TRIM14: variants seen among roughly 807,000 people sequenced by gnomAD.
TRIM14 encodes the protein tripartite motif-containing protein 14.
Under a neutral mutation model 44.5 loss-of-function variants are expected in TRIM14, and 28 were observed. The observed-to-expected ratio is 0.63, with a 90% CI of 0.47 to 0.86. TRIM14 has a LOEUF of 0.86. TRIM14 is among the 40% of genes least tolerant of loss of function. The pLI is 0.00. For missense variants in TRIM14, 607 were observed against 611.1 expected (o/e 0.99, Z 0.07); for synonymous variants, 299 against 269.2 (o/e 1.11, Z -1.08).
At chr9:98,088,910 G>GT (rs77760749) in intron 5 of TRIM14, among the ~76,000 whole-genome samples, 2,375 of 150,414 alleles carry the variant, frequency 0.016, 18 homozygotes, top group African/African-American at 0.023. Flanking sequence ...TACACATGAA[G>GT]TTTTTTTTGT....
downstream of TRIM14, chr9:98,083,160 A>G: frequency 9.4e-7 from 1 of 1,060,416 alleles, no homozygotes; most frequent in Non-Finnish European, 1.4e-6. Flanking sequence ...CCTGGCTGTC[A>G]TCCACCTCCA....
intron 1 of TRIM14, among the ~76,000 whole-genome samples, chr9:98,112,840 G>A (rs1222985040): frequency 2.0e-5 from 3 of 147,354 alleles, no homozygotes; most frequent in South Asian, 2.1e-4. Flanking sequence ...ATGGCCAGGC[G>A]CGGTGGTTCA....
rs1826135777 is a variant in TRIM14 at position 98,095,034 on chromosome 9, G to A, written c.538-5C>T. On this transcript the variant is annotated splice_region_variant and splice_polypyrimidine_tract_variant and intron_variant, in intron 3 of 5. Coordinates refer to ENST00000341469, the MANE Select transcript of TRIM14 (RefSeq NM_014788.4). This position sits in a 1 kb window ranked among gnomAD's most constrained non-coding sequence, Gnocchi z 4.1. ...CTGCTCGGTGGCCGTGTATGCCTGTGTGGGCACACGGGGGTGAGGGTGGCT... is the reference window on the plus strand; with the variant it reads ...CTGCTCGGTGGCCGTGTATGCCTGTATGGGCACACGGGGGTGAGGGTGGCT... 2 of 1,611,380 alleles carry A rather than the reference G, an allele frequency of 1.2e-6. No individual in the cohort carries two copies. Among genetic ancestry groups the A allele is most frequent in the African/African-American group, 2.7e-5 (2 of 74,846 alleles).
intron 6 of TRIM14, among the ~76,000 whole-genome samples, chr9:98,078,992 C>T (rs1428818905): frequency 6.6e-6 from 1 of 152,110 alleles, no homozygotes; most frequent in Non-Finnish European, 1.5e-5. Context: ...AACTTCCTGG[C>T]TTTTTCTGCT....
chr9:98,094,964 C>T lies in TRIM14; in HGVS notation c.603G>A (p.Val201=). 6.2e-7 allele frequency: 1 copy of T among 1,614,184 alleles called. No individual in the cohort carries two copies. The highest frequency in any genetic ancestry group is 8.5e-7 in the Non-Finnish European group (1 of 1,180,034). Residue 201 remains valine (V), a synonymous_variant, in exon 4 of 6, where the codon GTG becomes GTA. Coordinates refer to ENST00000341469, the MANE Select transcript of TRIM14 (RefSeq NM_014788.4). ...TCTTGACGGGCTCAAAGGAGAGGGG[C>T]ACGGGATGGCACAGCTCCCCGAGGC... ...QMSLGELCHP[V]PLSFEPVKSF... is the part of the protein sequence containing the mutation.
chr9:98,061,888 A>T, the TRIM14 span, among the ~76,000 whole-genome samples: 2 of 151,856 alleles, frequency 1.3e-5, no homozygotes, highest in African/African-American at 4.8e-5. Context: ...AGCTGTAGGG[A>T]CACCCCAGCT....
At chr9:98,110,082 T>C (rs953827567) in intron 1 of TRIM14, 98 bp from the exon 2 acceptor site, 12 of 897,328 alleles carry the variant, frequency 1.3e-5, no homozygotes, top group Non-Finnish European at 2.2e-5. Context: ...TGTATTCTTT[T>C]CCAATGGAGG....
chr9:98,057,044 C>A, the TRIM14 span: 1 of 1,366,426 alleles, frequency 7.3e-7, no homozygotes, highest in Non-Finnish European at 9.6e-7. Context: ...GTACCCTGGT[C>A]CGGCCTCTTC....
At chr9:98,050,156 G>A in the TRIM14 span, among the ~76,000 whole-genome samples, 1 of 152,230 alleles carries the variant, frequency 6.6e-6, no homozygotes, top group Admixed American at 6.5e-5. Flanking sequence ...GATTGGCACA[G>A]ATATGGGCTA....
In TRIM14 at chr9:98,118,987, C is replaced by G. The variant is rs868598210; in HGVS notation, c.202G>C (p.Val68Leu). ...VGLALEAAVH[V>L]QKLSQECLKQ... ...CCCGTCCCCATCGTCCCCACCTGCA[C>G]GTGCACCGCTGCCTCCAGCGCCAGG... The change falls in exon 1 of 6, where the codon GTG (valine) becomes CTG (leucine). Residue 68 changes from valine to leucine, a missense_variant. Physicochemically the swap from Val to Leu is conservative, Grantham distance 32. Transcript: ENST00000341469. The G allele has an allele frequency of 3.2e-6, 5 of 1,545,314 alleles. No homozygotes were observed. The Admixed American group carries it at 7.4e-5, about 23-fold the overall frequency.
chr9:98,060,560 C>T, the TRIM14 span, among the ~76,000 whole-genome samples: 1 of 152,202 alleles, frequency 6.6e-6, no homozygotes, highest in South Asian at 2.1e-4. Context: ...ATCCCAGCTA[C>T]TTGGGAGGCT....
chr9:98,078,249 T>TATC (rs771297523), intron 6 of TRIM14: 5 of 1,613,980 alleles, frequency 3.1e-6, no homozygotes. Context: ...GAAGCAAGTT[T>TATC]ATCAGATCGT....
intron 6 of TRIM14, among the ~76,000 whole-genome samples, chr9:98,072,119 G>A (rs1829362762): frequency 6.6e-6 from 1 of 152,200 alleles, no homozygotes; most frequent in South Asian, 2.1e-4. Context: ...CTCACACTCT[G>A]TGTGGCTTGG....
intron 4 of TRIM14, among the ~76,000 whole-genome samples, chr9:98,093,321 G>T (rs770233684): frequency 1.3e-5 from 2 of 152,130 alleles, no homozygotes; most frequent in East Asian, 3.9e-4. Context: ...TCCCCCAGAC[G>T]TAACAGCAGC....
chr9:98,056,591 G>A, the TRIM14 span: 9 of 618,342 alleles, frequency 1.5e-5, no homozygotes, highest in East Asian at 3.5e-5. Context: ...GACCCGCCCC[G>A]CCGCCCTTCC....
At chr9:98,103,720 C>T (rs781195702) in intron 2 of TRIM14, among the ~76,000 whole-genome samples, 17 of 150,908 alleles carry the variant, frequency 1.1e-4, no homozygotes, top group Admixed American at 2.0e-4. Context: ...CACCTGTAGT[C>T]CTGGCTACTC....
rs149970452 is a variant in TRIM14, at chr9:98,101,241, C to T, written c.304-1077G>A. ...CCACCTGCCTCAGCCTCCCAAAATGCTGAGATTACAGGCATGAGACACCAT... is the reference window on the plus strand; with the variant it reads ...CCACCTGCCTCAGCCTCCCAAAATGTTGAGATTACAGGCATGAGACACCAT... On this transcript the variant is annotated intron_variant, in intron 2 of 5. Coordinates refer to ENST00000341469, the MANE Select transcript of TRIM14 (RefSeq NM_014788.4). Among the ~76,000 whole-genome samples, 1,398 of 152,194 alleles carry T rather than the reference C, an allele frequency of 9.2e-3. 19 individuals are homozygous for T. Among genetic ancestry groups the T allele is most frequent in the African/African-American group, 0.032 (1,323 of 41,520 alleles).
chr9:98,067,521 ATCT>A (rs531109963), downstream of TRIM14, among the ~76,000 whole-genome samples: 306 of 152,168 alleles, frequency 2.0e-3, no homozygotes, highest in Non-Finnish European at 3.1e-3. Flanking sequence ...TCATCTGCAT[ATCT>A]TCTTTGGAAG....
rs1261379853 is a variant in TRIM14, at chr9:98,094,903, T to C, written c.664A>G (p.Thr222Ala). The C allele has an allele frequency of 1.9e-6, 3 of 1,614,072 alleles. No homozygotes were observed. Among genetic ancestry groups the C allele is most frequent in the African/African-American group, 1.3e-5 (1 of 74,934 alleles). ...CGAATGTCCAATGGCGTCTGTAATG[T>C]ACTCTCCACGGCTTCCACGAGGCCC... ...FKGLVEAVES[T>A]LQTPLDIRLK... is the part of the protein sequence containing the mutation. The change falls in exon 4 of 6, where the codon ACA (threonine) becomes GCA (alanine). Residue 222 changes from threonine (T) to alanine (A), a missense_variant. Physicochemically the swap from Thr to Ala is moderately conservative, Grantham distance 58 (BLOSUM62 0). Around this residue, in one of 3 missense-constraint regions of TRIM14, gnomAD observed 356 missense variants for 323.0 expected, o/e 1.10. Transcript: ENST00000341469.
Sources: allele counts gnomAD v4.1 joint callset (sites outside exome capture counted in the v4.1 genomes callset), GRCh38; gene constraint gnomAD v4.1.1; regional missense constraint gnomAD v4.1.1; non-coding constraint Gnocchi (gnomAD v3.1); transcripts MANE v1.5; gene names NCBI Gene and HGNC (gene_info 2026-07-23, HGNC 2026-07-21).